Variants in GSG1 observed in about 807,000 individuals in gnomAD.
GSG1 encodes the protein germ cell-specific gene 1 protein.
Under a neutral mutation model 30.8 loss-of-function variants are expected in GSG1, and 28 were observed. The observed-to-expected ratio is 0.91, with a 90% CI of 0.67 to 1.25. The LOEUF is 1.25. Ranked by LOEUF, GSG1 falls within the 50% of genes most tolerant of loss-of-function variation. The pLI is 0.00. For missense variants in GSG1, 435 were observed against 444.7 expected (o/e 0.98, Z 0.20); for synonymous variants, 162 against 178.0 (o/e 0.91, Z 0.71).
Position 13,090,807 on chromosome 12 carries a change from C to G in GSG1, c.60G>C (p.Ser20=). 1 of 1,610,432 alleles carries G rather than the reference C, an allele frequency of 6.2e-7. No individual in the cohort carries two copies. The highest frequency in any genetic ancestry group is 1.1e-5 in the South Asian group (1 of 90,532). Residue 20 remains serine (S), a synonymous_variant, in exon 2 of 7, where the codon TCG becomes TCC. Transcript: ENST00000651961. The part of the protein sequence containing the change: ...NVCLTQEMEL[S]KAFSGQRTLL... ...GTGTCCGCTGGCCAGAGAAGGCCTT[C>G]GAGAGCTCCATCTGTAATAGACAAG... is the stretch of plus-strand genomic sequence containing the variant.
Position 13,087,265 on chromosome 12 carries a change from T to TAA in GSG1, c.635-3_635-2insTT. 1 of 1,609,892 alleles carries TAA rather than the reference T, an allele frequency of 6.2e-7. No individual in the cohort carries two copies. Among genetic ancestry groups the TAA allele is most frequent in the Non-Finnish European group, 8.5e-7 (1 of 1,176,186 alleles). On this transcript the variant is annotated splice_region_variant and splice_polypyrimidine_tract_variant and intron_variant, in intron 5 of 6. Transcript: ENST00000651961. ...TGTGGGCCACCATCCCCAGGAGACCTACCAAGGAAACAGGAAGGCAGAGCC... is the reference window on the plus strand; with the variant it reads ...TGTGGGCCACCATCCCCAGGAGACCTAAACCAAGGAAACAGGAAGGCAGAGCC...
In GSG1 at chr12:13,101,287, G is replaced by A. The variant is rs1392002460; in HGVS notation, c.48+2178C>T. On this transcript the variant is annotated intron_variant, in intron 1 of 6. Coordinates refer to ENST00000651961, the MANE Select transcript of GSG1 (RefSeq NM_001080555.4). This position sits in a 1 kb window ranked among gnomAD's most constrained non-coding sequence, Gnocchi z 5.8. ...TGATGAGTAACGCGCCGTCTCTCCC[G>A]TTTACTACGGCGCCCGGTCGCCTAG... Among the ~76,000 whole-genome samples the A allele has an allele frequency of 6.6e-6, 1 of 152,178 alleles. No individual in the cohort carries two copies. The highest frequency in any genetic ancestry group is 1.5e-5 in the Non-Finnish European group (1 of 68,022).
intron 1 of GSG1, among the ~76,000 whole-genome samples, chr12:13,100,872 A>G (rs1863145488): frequency 6.6e-6 from 1 of 152,214 alleles, no homozygotes; most frequent in Non-Finnish European, 1.5e-5. Context: ...TCGCACAATC[A>G]AATGACTCTA....
chr12:13,085,662 C>T (rs1187331306), intron 6 of GSG1, among the ~76,000 whole-genome samples: 4 of 152,028 alleles, frequency 2.6e-5, no homozygotes, highest in African/African-American at 9.7e-5. Flanking sequence ...CCTCTCCCAC[C>T]CCAACACACA....
chr12:13,085,665 A>AAC (rs138488912), intron 6 of GSG1, among the ~76,000 whole-genome samples: 41 of 151,756 alleles, frequency 2.7e-4, no homozygotes, highest in African/African-American at 5.6e-4. Flanking sequence ...CTCCCACCCC[A>AAC]ACACACACAC....
intron 1 of GSG1, among the ~76,000 whole-genome samples, chr12:13,098,456 A>ATTTTTTTTTTTTTTTTTTT (rs771887535): frequency 2.1e-5 from 1 of 47,402 alleles, no homozygotes; most frequent in African/African-American, 8.4e-5. Flanking sequence ...CATGTAGCCC[A>ATTTTTTTTTTTTTTTTTTT]TTTTTTTTTT....
At chr12:13,088,336 T>A (rs149273353) in intron 4 of GSG1, among the ~76,000 whole-genome samples, 5 of 152,214 alleles carry the variant, frequency 3.3e-5, no homozygotes, top group Non-Finnish European at 7.3e-5. Flanking sequence ...TTTTCATAAA[T>A]CCTGCAGGGA....
intron 4 of GSG1, 129 bp from the exon 5 acceptor site, chr12:13,088,188 C>T (rs1865725760): frequency 2.1e-6 from 2 of 958,866 alleles, no homozygotes; most frequent in Non-Finnish European, 3.1e-6. Context: ...TGAGGCACAG[C>T]TGAAACCAGG....
chr12:13,102,855 C>T (rs11540508), intron 1 of GSG1, among the ~76,000 whole-genome samples: 2 of 152,210 alleles, frequency 1.3e-5, no homozygotes, highest in Non-Finnish European at 2.9e-5. Flanking sequence ...CTAAACAAGC[C>T]GCAACTTCTC....
chr12:13,096,369 G>T (rs1021153182), intron 1 of GSG1, among the ~76,000 whole-genome samples: 1 of 151,676 alleles, frequency 6.6e-6, no homozygotes, highest in Non-Finnish European at 1.5e-5. Flanking sequence ...AGCTACTCGG[G>T]AGGCTGAGGC....
intron 1 of GSG1, among the ~76,000 whole-genome samples, chr12:13,102,121 A>G (rs1481658533): frequency 2.0e-5 from 3 of 152,172 alleles, no homozygotes; most frequent in Non-Finnish European, 4.4e-5. Flanking sequence ...TCCCCATTCT[A>G]CAAGTGAGGG....
chr12:13,084,224 G>A lies in GSG1; in HGVS notation c.*677C>T, dbSNP rs1865310662. ...TCACTGGGAAGTCCCTGGTGTGACTGTCCAGAAGGGAACCACAGTCCAATC... is the reference window on the plus strand; with the variant it reads ...TCACTGGGAAGTCCCTGGTGTGACTATCCAGAAGGGAACCACAGTCCAATC... On this transcript the variant is annotated 3_prime_UTR_variant, in exon 7 of 7. Transcript: ENST00000651961. 1 of 152,180 alleles carries A rather than the reference G, an allele frequency of 6.6e-6. No individual in the cohort carries two copies. Among genetic ancestry groups the A allele is most frequent in the Non-Finnish European group, 1.5e-5 (1 of 68,042 alleles). 9.4% of individuals were successfully genotyped at this position (152,180 alleles called of 1,614,324 possible).
intron 1 of GSG1, among the ~76,000 whole-genome samples, chr12:13,095,406 A>G (rs1303541420): frequency 1.3e-5 from 2 of 152,230 alleles, no homozygotes; most frequent in Non-Finnish European, 2.9e-5. Flanking sequence ...GGGCCCTTAG[A>G]TCATTAGGAA....
chr12:13,099,763 T>TTTTTGTTTTG (rs1353077282), intron 1 of GSG1, among the ~76,000 whole-genome samples: 1 of 148,574 alleles, frequency 6.7e-6, no homozygotes, highest in African/African-American at 2.5e-5. Flanking sequence ...TTTTTTTTTT[T>TTTTTGTTTTG]TTTTTGTTTT....
At chr12:13,088,685 C>G in intron 4 of GSG1, 177 bp downstream of exon 4, 6 of 1,526,564 alleles carry the variant, frequency 3.9e-6, no homozygotes, top group Non-Finnish European at 5.4e-6. Flanking sequence ...AGTTTAGATC[C>G]GGAGAGGCCC....
rs766728686 is a variant in GSG1 at position 13,089,273 on chromosome 12, A to G, written c.368T>C (p.Leu123Pro). 1.3e-6 allele frequency: 2 copies of G among 1,554,518 alleles called. No individual in the cohort carries two copies. The highest frequency in any genetic ancestry group is 2.7e-5 in the African/African-American group (2 of 73,166). Residue 123 changes from leucine to proline, a missense_variant, in exon 3 of 7, where the codon CTG (leucine) becomes CCG (proline). Physicochemically the swap from Leu to Pro is moderately conservative, Grantham distance 98. Transcript: ENST00000651961. ...TTGTTTCCAGGACTGGGGATGGAGC[A>G]GTGCTAAGTGGCACAATAATAAATA... is the stretch of plus-strand genomic sequence containing the variant. ...SCEETVEEPA[L>P]LHPQSWKQFR...
rs1291883246 is a variant in GSG1 at position 13,101,019 on chromosome 12, C to G, written c.48+2446G>C. 1.3e-5 allele frequency among the ~76,000 whole-genome samples: 2 copies of G among 152,234 alleles called. No individual in the cohort carries two copies. Among genetic ancestry groups the G allele is most frequent in the Non-Finnish European group, 2.9e-5 (2 of 68,048 alleles). On this transcript the variant is annotated intron_variant, in intron 1 of 6. Coordinates refer to ENST00000651961, the MANE Select transcript of GSG1 (RefSeq NM_001080555.4). This position sits in a 1 kb window ranked among gnomAD's most constrained non-coding sequence, Gnocchi z 5.8. The stretch of plus-strand genomic sequence containing the variant: ...AATTGTTTGAGGACTTTTGCTAATG[C>G]AGTCATTTCCAGGAGAGGAAGCCGC...
At chr12:13,096,733 C>T (rs1299699826) in intron 1 of GSG1, among the ~76,000 whole-genome samples, 1 of 152,028 alleles carries the variant, frequency 6.6e-6, no homozygotes, top group Non-Finnish European at 1.5e-5. Flanking sequence ...AGTAAGGGGT[C>T]GTTTGCATAT....
Position 13,103,643 on chromosome 12 carries a change from T to G in GSG1, c.-131A>C. On this transcript the variant is annotated 5_prime_UTR_variant, in exon 1 of 7. Transcript: ENST00000651961. ...TTGCCAGCAGAGGGGTAAGGTGGTGTGTGGTGGATTGGAGAGGATGTCCTG... is the reference window on the plus strand; with the variant it reads ...TTGCCAGCAGAGGGGTAAGGTGGTGGGTGGTGGATTGGAGAGGATGTCCTG... 3.1e-6 allele frequency: 3 copies of G among 964,888 alleles called. No homozygotes were observed. The highest frequency in any genetic ancestry group is 4.9e-6 in the Non-Finnish European group (3 of 614,398). The allele number at this position is 964,888 out of a possible 1,614,324, so 59.8% of individuals were successfully genotyped here. A position where few individuals can be genotyped will look rare whatever the true frequency, so the allele number is the denominator to read the frequency against.
Sources: allele counts gnomAD v4.1 joint callset (sites outside exome capture counted in the v4.1 genomes callset), GRCh38; gene constraint gnomAD v4.1.1; non-coding constraint Gnocchi (gnomAD v3.1); transcripts MANE v1.5; gene names NCBI Gene and HGNC (gene_info 2026-07-23, HGNC 2026-07-21).